The following ZFPM2 variants were observed in gnomAD, a reference collection of about 807,000 sequenced individuals.
ZFPM2 encodes the protein zinc finger protein ZFPM2.
In ZFPM2, 20 loss-of-function variants were observed where a neutral mutation model predicts 98.6. That is an observed-to-expected ratio of 0.20 (90% CI 0.14 to 0.29). The LOEUF is 0.29. ZFPM2 is among the 10% of genes least tolerant of loss of function. ZFPM2 has a pLI of 1.00. For synonymous variants in ZFPM2, 518 were observed against 502.7 expected (o/e 1.03, Z -0.41); for missense variants, 1,310 against 1,388.6 (o/e 0.94, Z 0.90).
At chr8:105,793,559 G>C (rs1355590821) in intron 6 of ZFPM2, among the ~76,000 whole-genome samples, 2 of 151,978 alleles carry the variant, frequency 1.3e-5, no homozygotes, top group Admixed American at 1.3e-4. Flanking sequence ...TGATAATTAT[G>C]TGTCTTGGAG....
intron 5 of ZFPM2, among the ~76,000 whole-genome samples, chr8:105,695,240 C>T (rs1810987221): frequency 6.6e-6 from 1 of 152,110 alleles, no homozygotes; most frequent in Non-Finnish European, 1.5e-5. Flanking sequence ...TCAAATTACT[C>T]TATCTCCTGA....
At position 105,454,331 on chromosome 8, in the gene ZFPM2, A is replaced by T. The variant is rs761041751; in HGVS notation, c.301+9950A>T. Reference sequence around the variant, plus strand: ...TCTTGTAAATTGGTTGTTAATCTAGATCCTTGAATAAATTCAGATTCGATA... The same window carrying T: ...TCTTGTAAATTGGTTGTTAATCTAGTTCCTTGAATAAATTCAGATTCGATA... On this transcript the variant is annotated intron_variant, in intron 3 of 7. Coordinates refer to ENST00000407775, the MANE Select transcript of ZFPM2 (RefSeq NM_012082.4). Among the ~76,000 whole-genome samples, 20 of 152,210 alleles carry T rather than the reference A, an allele frequency of 1.3e-4. 1 individual carries two copies. The highest frequency in any genetic ancestry group is 9.2e-4 in the Admixed American group (14 of 15,280).
At chr8:105,547,201 A>G (rs1814726213) in intron 3 of ZFPM2, among the ~76,000 whole-genome samples, 1 of 152,106 alleles carries the variant, frequency 6.6e-6, no homozygotes, top group Non-Finnish European at 1.5e-5. Flanking sequence ...CTCTTGCTAT[A>G]CATTTTCTAC....
intron 5 of ZFPM2, among the ~76,000 whole-genome samples, chr8:105,661,682 GA>G (rs1376465731): frequency 6.6e-6 from 1 of 151,810 alleles, no homozygotes; most frequent in Non-Finnish European, 1.5e-5. Context: ...GGGGCTCTGT[GA>G]TTTTTTTTTT....
At chr8:105,533,970 CT>C (rs1325978661) in intron 3 of ZFPM2, among the ~76,000 whole-genome samples, 2 of 23,832 alleles carry the variant, frequency 8.4e-5, no homozygotes, top group African/African-American at 2.8e-4. Context: ...CTCCCTCCCT[CT>C]CCTCCCTCCC....
chr8:105,689,786 T>G (rs1810834001), intron 5 of ZFPM2, among the ~76,000 whole-genome samples: 1 of 152,206 alleles, frequency 6.6e-6, no homozygotes, highest in African/African-American at 2.4e-5. Context: ...TTTCAGCAGT[T>G]CAAGACTGTG....
In ZFPM2 at chr8:105,373,335, C is replaced by G. The variant is rs546121376; in HGVS notation, c.41-45809C>G. ...GTACATCAAGAAATCATTTTGAGCTCTTAAAACCTGGCATTCCAAGTTCAG... is the reference window on the plus strand; with the variant it reads ...GTACATCAAGAAATCATTTTGAGCTGTTAAAACCTGGCATTCCAAGTTCAG... On this transcript the variant is annotated intron_variant, in intron 1 of 7. Coordinates refer to ENST00000407775, the MANE Select transcript of ZFPM2 (RefSeq NM_012082.4). Among the ~76,000 whole-genome samples, 55 of 152,284 alleles carry G rather than the reference C, an allele frequency of 3.6e-4. No homozygotes were observed. The South Asian group carries it at 0.011, about 30-fold the overall frequency.
chr8:105,318,454 G>T lies in ZFPM2; in HGVS notation c.-488G>T, dbSNP rs1811947399. Among the ~76,000 whole-genome samples the T allele has an allele frequency of 1.3e-5, 2 of 151,232 alleles. No homozygotes were observed. The highest frequency in any genetic ancestry group is 2.4e-5 in the African/African-American group (1 of 41,244). Reference sequence around the variant, plus strand: ...TCCCGCCGCAGAACAGGAGCTGCGCGGCCCGGAGCGGCGGCGGCGGCGCCG... The same window carrying T: ...TCCCGCCGCAGAACAGGAGCTGCGCTGCCCGGAGCGGCGGCGGCGGCGCCG... On this transcript the variant is annotated 5_prime_UTR_variant, in exon 1 of 8. Transcript: ENST00000407775.
chr8:105,634,890 A>C (rs1816818227), intron 5 of ZFPM2, among the ~76,000 whole-genome samples: 1 of 152,170 alleles, frequency 6.6e-6, no homozygotes, highest in Admixed American at 6.6e-5. Context: ...GAGGAAGCTG[A>C]TGACTTGCAG....
intron 5 of ZFPM2, among the ~76,000 whole-genome samples, chr8:105,646,853 G>A (rs1817057902): frequency 6.6e-6 from 1 of 152,080 alleles, no homozygotes; most frequent in African/African-American, 2.4e-5. Context: ...TTCTAATTCA[G>A]ATGTCATATT....
intron 3 of ZFPM2, among the ~76,000 whole-genome samples, chr8:105,452,372 A>C (rs912260443): frequency 6.6e-6 from 1 of 152,130 alleles, no homozygotes; most frequent in African/African-American, 2.4e-5. Context: ...TCAACAGGGC[A>C]CTTTAGAAAG....
At chr8:105,442,446 A>G (rs1008880805) in intron 2 of ZFPM2, among the ~76,000 whole-genome samples, 11 of 152,212 alleles carry the variant, frequency 7.2e-5, no homozygotes, top group African/African-American at 2.7e-4. Flanking sequence ...TATTTTCAAA[A>G]ACGGACTGTC....
At chr8:105,696,980 A>T (rs375518740) in intron 5 of ZFPM2, among the ~76,000 whole-genome samples, 1 of 152,204 alleles carries the variant, frequency 6.6e-6, no homozygotes, top group East Asian at 1.9e-4. Flanking sequence ...CTTATAATTC[A>T]AAATTAGAAT....
At position 105,783,366 on chromosome 8, in the gene ZFPM2, C is replaced by T. The variant is rs146943354; in HGVS notation, c.533-5352C>T. Reference sequence around the variant, plus strand: ...TTTTGTAGTGAAAAAAAAAATGTAACCTCATTTTTTCTCAATTTTTAAAAT... The same window carrying T: ...TTTTGTAGTGAAAAAAAAAATGTAATCTCATTTTTTCTCAATTTTTAAAAT... On this transcript the variant is annotated intron_variant, in intron 5 of 7. Coordinates refer to ENST00000407775, the MANE Select transcript of ZFPM2 (RefSeq NM_012082.4). Among the ~76,000 whole-genome samples, 969 of 151,456 alleles carry T rather than the reference C, an allele frequency of 6.4e-3. 9 individuals carry two copies. The highest frequency in any genetic ancestry group is 0.021 in the Admixed American group (323 of 15,200).
chr8:105,575,116 T>TC (rs1234059916), intron 4 of ZFPM2, among the ~76,000 whole-genome samples: 2 of 151,600 alleles, frequency 1.3e-5, no homozygotes, highest in African/African-American at 4.8e-5. Flanking sequence ...TGCACAAGTG[T>TC]CCCCCCGCCT....
intron 3 of ZFPM2, among the ~76,000 whole-genome samples, chr8:105,475,396 A>G (rs373131560): frequency 2.6e-5 from 4 of 152,218 alleles, no homozygotes; most frequent in East Asian, 1.9e-4. Flanking sequence ...TACCCCGTGC[A>G]CATAAATAAA....
At chr8:105,590,464 C>A (rs1032225004) in intron 4 of ZFPM2, among the ~76,000 whole-genome samples, 1 of 152,204 alleles carries the variant, frequency 6.6e-6, no homozygotes, top group Non-Finnish European at 1.5e-5. Flanking sequence ...AAGCCACACA[C>A]ATATTAAAAA....
chr8:105,793,651 A>C (rs2131151975), intron 6 of ZFPM2, among the ~76,000 whole-genome samples: 1 of 151,852 alleles, frequency 6.6e-6, no homozygotes, highest in Non-Finnish European at 1.5e-5. Context: ...AGATTGGGGA[A>C]GTTCTCCTGG....
At chr8:105,451,369 A>G (rs1256424369) in intron 3 of ZFPM2, among the ~76,000 whole-genome samples, 1 of 152,140 alleles carries the variant, frequency 6.6e-6, no homozygotes, top group African/African-American at 2.4e-5. Flanking sequence ...CCTCTCTAAA[A>G]CTTACTGATG....
Sources: allele counts gnomAD v4.1 joint callset (sites outside exome capture counted in the v4.1 genomes callset), GRCh38; gene constraint gnomAD v4.1.1; transcripts MANE v1.5; gene names NCBI Gene and HGNC (gene_info 2026-07-23, HGNC 2026-07-21).